The following IKZF1 variants were observed in gnomAD, a reference collection of about 807,000 sequenced individuals.
IKZF1 encodes the protein IKAROS family zinc finger 1.
In IKZF1, 10 loss-of-function variants were observed where a neutral mutation model predicts 51.7. The observed-to-expected ratio is 0.19, with a 90% confidence interval of 0.12 to 0.33. The LOEUF is 0.33. Ranked by LOEUF, IKZF1 falls within the 10% of genes least tolerant of loss-of-function variation. The pLI, the probability that IKZF1 is intolerant of heterozygous loss-of-function variation, is 1.00. For missense variants in IKZF1, 484 were observed against 707.5 expected, an observed-to-expected ratio of 0.68 and a Z score of 3.58; for synonymous variants, 280 against 282.3, an observed-to-expected ratio of 0.99 and a Z score of 0.08.
At chr7:50,325,264 C>T (rs1186503344) in intron 2 of IKZF1, among the ~76,000 whole-genome samples, 1 of 114,326 alleles carries the variant, frequency 8.7e-6, no homozygotes, top group Non-Finnish European at 1.8e-5. Flanking sequence ...CACCCCCCAA[C>T]CCCCCGCTGC....
At chr7:50,396,646 C>A (rs1038672628) in intron 7 of IKZF1, among the ~76,000 whole-genome samples, 1 of 152,080 alleles carries the variant, frequency 6.6e-6, no homozygotes, top group African/African-American at 2.4e-5. Context: ...TCTAGTTGGT[C>A]TGATATAGCT....
At chr7:50,306,110 A>G (rs1409556888) in intron 1 of IKZF1, among the ~76,000 whole-genome samples, 2 of 152,252 alleles carry the variant, frequency 1.3e-5, no homozygotes, top group African/African-American at 4.8e-5. Context: ...CTTAAAATGT[A>G]CACGAGGCAA....
chr7:50,399,324 T>C (rs1817517431), intron 7 of IKZF1, among the ~76,000 whole-genome samples: 1 of 152,122 alleles, frequency 6.6e-6, no homozygotes, highest in Non-Finnish European at 1.5e-5. Flanking sequence ...GTCAAAAATG[T>C]GTCATTTTAT....
At chr7:50,362,738 G>GT (rs1805634128) in intron 3 of IKZF1, among the ~76,000 whole-genome samples, 1 of 152,014 alleles carries the variant, frequency 6.6e-6, no homozygotes, top group Non-Finnish European at 1.5e-5. Flanking sequence ...TTTTCTCATC[G>GT]TAACAGTGCA....
At chr7:50,352,077 G>T (rs919393507) in intron 3 of IKZF1, among the ~76,000 whole-genome samples, 5 of 152,184 alleles carry the variant, frequency 3.3e-5, no homozygotes, top group African/African-American at 1.2e-4. Flanking sequence ...CATTTCTGTT[G>T]CCTCCAATGC....
intron 6 of IKZF1, among the ~76,000 whole-genome samples, chr7:50,389,294 G>A (rs986624496): frequency 9.9e-5 from 15 of 152,230 alleles, no homozygotes; most frequent in African/African-American, 3.1e-4. Flanking sequence ...CCTAAACATG[G>A]ATGTTTAGGT....
At chr7:50,356,615 G>T (rs1803483653) in intron 3 of IKZF1, among the ~76,000 whole-genome samples, 1 of 152,200 alleles carries the variant, frequency 6.6e-6, no homozygotes, top group East Asian at 1.9e-4. Flanking sequence ...ACTCTGCTAA[G>T]CTACTCAATG....
chr7:50,399,254 C>A (rs1255064872), intron 7 of IKZF1, among the ~76,000 whole-genome samples: 1 of 152,200 alleles, frequency 6.6e-6, no homozygotes, highest in Non-Finnish European at 1.5e-5. Flanking sequence ...CAGAGAATTA[C>A]TTTTGAGTAT....
intron 1 of IKZF1, among the ~76,000 whole-genome samples, chr7:50,313,926 C>G (rs1790813849): frequency 6.6e-6 from 1 of 152,160 alleles, no homozygotes; most frequent in Admixed American, 6.5e-5. Flanking sequence ...TTAGATAAAG[C>G]CAGTGAGTAC....
At chr7:50,352,899 AG>A (rs1455110408) in intron 3 of IKZF1, among the ~76,000 whole-genome samples, 1 of 152,260 alleles carries the variant, frequency 6.6e-6, no homozygotes, top group South Asian at 2.1e-4. Flanking sequence ...TCCTTGCATA[AG>A]GTAAGACTTT....
chr7:50,402,197 A>T lies in IKZF1; in HGVS notation c.*1570A>T, dbSNP rs1055619314. 8.7e-6 allele frequency: 2 copies of T among 230,700 alleles called. No homozygotes were observed. Among genetic ancestry groups the T allele is most frequent in the South Asian group, 3.6e-4 (2 of 5,510 alleles). The allele number at this position is 230,700 out of a possible 1,614,324, so 14.3% of individuals were successfully genotyped here. On this transcript the variant is annotated 3_prime_UTR_variant, in exon 8 of 8. Coordinates refer to ENST00000331340, the MANE Select transcript of IKZF1 (RefSeq NM_006060.6). The stretch of plus-strand genomic sequence containing the variant: ...CTCAACCACCTAGGCAATGAAGAAT[A>T]TACCATTTCAAATATTTACAGTACT...
intron 2 of IKZF1, among the ~76,000 whole-genome samples, chr7:50,326,180 C>T (rs974683947): frequency 6.6e-6 from 1 of 152,212 alleles, no homozygotes; most frequent in African/African-American, 2.4e-5. Flanking sequence ...TGGTATTACT[C>T]TTGTGGAAGG....
At chr7:50,378,016 G>A (rs1172866498) in intron 4 of IKZF1, among the ~76,000 whole-genome samples, 3 of 152,148 alleles carry the variant, frequency 2.0e-5, no homozygotes, top group Admixed American at 6.5e-5. Flanking sequence ...TCAGACCCTC[G>A]TATGCTGCTT....
intron 1 of IKZF1, among the ~76,000 whole-genome samples, chr7:50,306,602 T>C (rs1584340365): frequency 6.6e-6 from 1 of 152,330 alleles, no homozygotes; most frequent in Non-Finnish European, 1.5e-5. Context: ...GGTTTGACCC[T>C]TTCGAAGAGT....
At chr7:50,315,865 T>C (rs1285396271) in intron 1 of IKZF1, among the ~76,000 whole-genome samples, 2 of 152,176 alleles carry the variant, frequency 1.3e-5, no homozygotes, top group African/African-American at 2.4e-5. Flanking sequence ...ATTTCTTCCA[T>C]GTGGGAGAGG....
At chr7:50,327,442 A>C in intron 2 of IKZF1, 196 bp from the exon 3 acceptor site, 1 of 494,366 alleles carries the variant, frequency 2.0e-6, no homozygotes, top group South Asian at 4.0e-5. Context: ...TTGCACATCT[A>C]TGTTCTCTCA....
At chr7:50,379,842 A>G (rs1811355430) in intron 4 of IKZF1, among the ~76,000 whole-genome samples, 2 of 152,160 alleles carry the variant, frequency 1.3e-5, no homozygotes, top group Admixed American at 6.5e-5. Flanking sequence ...ATCCATGAAG[A>G]CTTCCCTTTT....
rs1816501504 is a variant in IKZF1, at chr7:50,395,645, CTATT to C, written c.850+3785_850+3788del. On this transcript the variant is annotated intron_variant, in intron 7 of 7. Coordinates refer to ENST00000331340, the MANE Select transcript of IKZF1 (RefSeq NM_006060.6). Reference sequence around the variant, plus strand: ...GTAGTTTAGTTATTTATTACTAACTCTATTTAAATAGATTCAAGGATCAGACCCT... The same window carrying C: ...GTAGTTTAGTTATTTATTACTAACTCTAAATAGATTCAAGGATCAGACCCT... Among the ~76,000 whole-genome samples, 6 of 152,228 alleles carry C rather than the reference CTATT, an allele frequency of 3.9e-5. No homozygotes were observed. In the South Asian group the frequency reaches 1.2e-3, roughly 32 times the overall value.
At chr7:50,329,043 A>G (rs1189352644) in intron 3 of IKZF1, 1 of 149,608 alleles carries the variant, frequency 6.7e-6, no homozygotes, top group African/African-American at 2.5e-5. Context: ...ACTGCACTCC[A>G]GCCTGGATGA....
Sources: allele counts gnomAD v4.1 joint callset (sites outside exome capture counted in the v4.1 genomes callset), GRCh38; gene constraint gnomAD v4.1.1; transcripts MANE v1.5; gene names NCBI Gene and HGNC (gene_info 2026-07-23, HGNC 2026-07-21).